The following RND3 variants were observed in gnomAD, a reference collection of about 807,000 sequenced individuals.
RND3 encodes the protein Rho family GTPase 3, also known as rho-related GTP-binding protein RhoE.
RND3 carries 8 observed loss-of-function variants against 26.5 expected under a neutral mutation model. The ratio of observed to expected loss-of-function variants is 0.30; its 90% CI spans 0.18 to 0.54. The LOEUF (loss-of-function observed/expected upper bound fraction) is 0.54, where lower values mean the gene tolerates loss of function less well. RND3 is among the 20% of genes least tolerant of loss of function. The pLI, the probability that RND3 is intolerant of heterozygous loss-of-function variation, is 0.94. For missense variants in RND3, 207 were observed against 302.8 expected (o/e 0.68, Z 2.35); for synonymous variants, 113 against 113.0 (o/e 1.00, Z 0.00).
intron 5 of RND3, among the ~76,000 whole-genome samples, chr2:150,471,113 C>T (rs947342290): frequency 3.9e-5 from 6 of 152,062 alleles, no homozygotes; most frequent in Non-Finnish European, 7.4e-5. Flanking sequence ...AAGAAGACTG[C>T]GGTATTTAAA....
rs1686364673 is a variant in RND3 at position 150,486,473 on chromosome 2, GC to G, written c.238+220del. Among the ~76,000 whole-genome samples, 1 of 152,200 alleles carries G rather than the reference GC, an allele frequency of 6.6e-6. No individual in the cohort carries two copies. Among genetic ancestry groups the G allele is most frequent in the South Asian group, 2.1e-4 (1 of 4,836 alleles). On this transcript the variant is annotated intron_variant, in intron 3 of 5. Coordinates refer to ENST00000263895, the MANE Select transcript of RND3 (RefSeq NM_005168.5). This position sits in a 1 kb window ranked among gnomAD's most constrained non-coding sequence, Gnocchi z 4.5. ...GTGGCTCCAACCGCGGGGTCACCCT[GC>G]GGGCACACAGCGCTCTCCTCTCCCC...
chr2:150,471,260 C>T (rs555146942), intron 5 of RND3, among the ~76,000 whole-genome samples: 1 of 152,164 alleles, frequency 6.6e-6, no homozygotes, highest in Non-Finnish European at 1.5e-5. Context: ...GAAATGAAGA[C>T]TCTCTGAAAG....
chr2:150,483,826 G>A (rs1006581247), intron 3 of RND3, among the ~76,000 whole-genome samples: 2 of 152,150 alleles, frequency 1.3e-5, no homozygotes, highest in African/African-American at 4.8e-5. Context: ...TTCACCTCAT[G>A]AACAACATAA....
At chr2:150,470,298 C>T (rs1573951845) in intron 5 of RND3, 60 bp from the exon 6 acceptor site, 9 of 1,547,176 alleles carry the variant, frequency 5.8e-6, no homozygotes, top group Middle Eastern at 3.4e-4. Context: ...AGTTAGCTAG[C>T]ATCTTCTAAT....
At chr2:150,483,657 T>A (rs1340015908) in intron 3 of RND3, among the ~76,000 whole-genome samples, 1 of 152,208 alleles carries the variant, frequency 6.6e-6, no homozygotes, top group African/African-American at 2.4e-5. Flanking sequence ...CATGAAAAGC[T>A]TGGAATTAAA....
At chr2:150,482,731 G>A (rs1686296266) in intron 3 of RND3, among the ~76,000 whole-genome samples, 2 of 140,434 alleles carry the variant, frequency 1.4e-5, no homozygotes, top group African/African-American at 5.1e-5. Context: ...GCGGGGGTGG[G>A]GGGGGCGGTG....
chr2:150,486,072 C>T lies in RND3; in HGVS notation c.238+622G>A, dbSNP rs1406245336. 6.6e-6 allele frequency among the ~76,000 whole-genome samples: 1 copy of T among 152,180 alleles called. No individual in the cohort carries two copies. Among genetic ancestry groups the T allele is most frequent in the Non-Finnish European group, 1.5e-5 (1 of 68,040 alleles). On this transcript the variant is annotated intron_variant, in intron 3 of 5. Coordinates refer to ENST00000263895, the MANE Select transcript of RND3 (RefSeq NM_005168.5). The surrounding 1 kb of genome is among the most constrained non-coding windows in gnomAD (Gnocchi z 4.5). ...AAGGGAAAAGCTCGGTACAGGTGGG[C>T]ACCGAGGCACCGCGGGCGGCCGGCA... is the stretch of plus-strand genomic sequence containing the variant.
chr2:150,487,289 G>A lies in RND3; in HGVS notation c.129C>T (p.Phe43=), dbSNP rs1686394649. Residue 43 remains phenylalanine, a synonymous_variant, in exon 2 of 6, where the codon TTC becomes TTT. Coordinates refer to ENST00000263895, the MANE Select transcript of RND3 (RefSeq NM_005168.5). ...QCGKTALLHV[F]AKDCFPENYV... ...TCACCTCGGGGAAGCAGTCCTTGGC[G>A]AAGACATGGAGCAGCGCAGTTTTTC... 1.3e-6 allele frequency: 2 copies of A among 1,598,016 alleles called. No individual in the cohort carries two copies. Among genetic ancestry groups the A allele is most frequent in the East Asian group, 2.3e-5 (1 of 43,848 alleles).
At chr2:150,487,180 G>T (rs75581868) in intron 2 of RND3, 88 bp downstream of exon 2, 14 of 885,276 alleles carry the variant, frequency 1.6e-5, no homozygotes, top group Non-Finnish European at 2.1e-5. Context: ...TTTTTTAAGG[G>T]AAAACGGATG....
At chr2:150,485,358 CCTCGGGGG>C (rs1185183417) in intron 3 of RND3, 2 of 152,296 alleles carry the variant, frequency 1.3e-5, no homozygotes, top group Non-Finnish European at 2.9e-5. Context: ...CCCCCGCGTC[CCTCGGGGG>C]CTCCAGCGGT....
chr2:150,478,606 T>C (rs1008051442), intron 3 of RND3, among the ~76,000 whole-genome samples: 6 of 127,726 alleles, frequency 4.7e-5, no homozygotes, highest in Non-Finnish European at 8.4e-5. Context: ...AATTAACTTC[T>C]ATAGGTGTTT....
At chr2:150,478,664 A>C (rs2105220087) in intron 3 of RND3, among the ~76,000 whole-genome samples, 1 of 152,042 alleles carries the variant, frequency 6.6e-6, no homozygotes, top group African/African-American at 2.4e-5. Flanking sequence ...TGTAGAACTA[A>C]ACACAGCACA....
chr2:150,471,477 AC>A (rs1367949192), intron 5 of RND3, 149 bp downstream of exon 5: 4 of 607,836 alleles, frequency 6.6e-6, no homozygotes, highest in Non-Finnish European at 1.1e-5. Context: ...ATGTAATTAC[AC>A]TAATAAATGA....
Position 150,486,589 on chromosome 2 carries a change from G to A in RND3, c.238+105C>T. 2 of 841,988 alleles carry A rather than the reference G, an allele frequency of 2.4e-6. No individual in the cohort carries two copies. The highest frequency in any genetic ancestry group is 4.2e-6 in the Non-Finnish European group (2 of 479,282). The allele number at this position is 841,988 out of a possible 1,614,324, so 52.2% of individuals were successfully genotyped here. Reference sequence around the variant, plus strand: ...CAACAGGGACCGTGGGAATCCCTTGGGAGGGGCGCAGACGGCTTGTAGCGC... The same window carrying A: ...CAACAGGGACCGTGGGAATCCCTTGAGAGGGGCGCAGACGGCTTGTAGCGC... On this transcript the variant is annotated intron_variant, in intron 3 of 5. Transcript: ENST00000263895. This position sits in a 1 kb window ranked among gnomAD's most constrained non-coding sequence, Gnocchi z 4.5.
At chr2:150,474,617 T>C (rs1686136732) in intron 4 of RND3, among the ~76,000 whole-genome samples, 1 of 152,202 alleles carries the variant, frequency 6.6e-6, no homozygotes, top group African/African-American at 2.4e-5. Context: ...TTGTTAGCTG[T>C]ACCATTTTTC....
chr2:150,482,703 A>T (rs868226413), intron 3 of RND3, among the ~76,000 whole-genome samples: 64 of 109,158 alleles, frequency 5.9e-4, no homozygotes, highest in African/African-American at 2.3e-3. Flanking sequence ...TAGTTGCTTT[A>T]ACTGGTGTGT....
chr2:150,471,569 T>G (rs1488792787), intron 5 of RND3, 58 bp downstream of exon 5: 3 of 1,377,586 alleles, frequency 2.2e-6, no homozygotes, highest in Admixed American at 4.3e-5. Context: ...TTATGAGTGA[T>G]AGTCCATTTC....
chr2:150,471,476 C>G, intron 5 of RND3, 151 bp downstream of exon 5: 1 of 600,950 alleles, frequency 1.7e-6, no homozygotes. Flanking sequence ...CATGTAATTA[C>G]ACTAATAAAT....
chr2:150,474,763 A>T (rs755218110), intron 4 of RND3, 112 bp downstream of exon 4: 11 of 553,942 alleles, frequency 2.0e-5, no homozygotes, highest in Non-Finnish European at 2.9e-5. Flanking sequence ...GTGTTTAATT[A>T]CAAATTGTAA....
Sources: gnomAD v4.1 joint callset for allele counts (sites outside exome capture counted in the v4.1 genomes callset) on GRCh38, gnomAD v4.1.1 for gene constraint, Gnocchi (gnomAD v3.1) non-coding constraint, MANE v1.5 for transcripts, NCBI Gene and HGNC (gene_info 2026-07-23, HGNC 2026-07-21) for gene names.